The following VTA1 variants were observed in gnomAD, a reference collection of about 807,000 sequenced individuals.
VTA1 encodes the protein vesicle trafficking 1.
VTA1 carries 24 observed loss-of-function variants against 36.9 expected under a neutral mutation model. The observed-to-expected ratio is 0.65, with a 90% confidence interval of 0.47 to 0.91. VTA1 has a LOEUF of 0.91. VTA1 is among the 40% of genes least tolerant of loss of function. VTA1 has a pLI of 0.00. For synonymous variants in VTA1, 142 were observed against 130.2 expected (o/e 1.09, Z -0.62); for missense variants, 393 against 377.2 (o/e 1.04, Z -0.35).
chr6:142,169,727 A>G, intron 3 of VTA1, 50 bp downstream of exon 3: 1 of 1,424,882 alleles, frequency 7.0e-7, no homozygotes, highest in Non-Finnish European at 9.2e-7. Context: ...GTAACTGTAT[A>G]ACCAAAATTA....
chr6:142,175,198 T>C (rs1256383728), intron 4 of VTA1, among the ~76,000 whole-genome samples: 2 of 152,152 alleles, frequency 1.3e-5, no homozygotes, highest in East Asian at 3.9e-4. Flanking sequence ...ATTCATCTTA[T>C]TTTGAGCTTT....
chr6:142,177,013 A>G (rs1336980221), intron 4 of VTA1, among the ~76,000 whole-genome samples: 1 of 152,170 alleles, frequency 6.6e-6, no homozygotes, highest in Non-Finnish European at 1.5e-5. Context: ...TAGCCTAGAA[A>G]ACCATGGTAA....
chr6:142,189,383 C>T (rs1400881120), intron 4 of VTA1, 43 bp from the exon 5 acceptor site: 5 of 1,477,640 alleles, frequency 3.4e-6, no homozygotes, highest in Non-Finnish European at 4.7e-6. Context: ...CTTTTTACTT[C>T]TTTACCATAG....
chr6:142,166,224 C>G lies in VTA1; in HGVS notation c.113-4C>G. 3 of 1,589,856 alleles carry G rather than the reference C, an allele frequency of 1.9e-6. No homozygotes were observed. Among genetic ancestry groups the G allele is most frequent in the Non-Finnish European group, 2.6e-6 (3 of 1,166,518 alleles). The stretch of plus-strand genomic sequence containing the variant: ...TGTTCAAATTATCTTACTTTTCTTT[C>G]TAGGTCGTTTATACGCAATGCAGAC... On this transcript the variant is annotated splice_region_variant and splice_polypyrimidine_tract_variant and intron_variant, in intron 1 of 7. Transcript: ENST00000367630.
At chr6:142,183,673 T>C (rs1272740119) in intron 4 of VTA1, among the ~76,000 whole-genome samples, 1 of 152,182 alleles carries the variant, frequency 6.6e-6, no homozygotes, top group African/African-American at 2.4e-5. Flanking sequence ...AAAATACATC[T>C]TGAAAATTTC....
rs991383782 is a variant in VTA1, at chr6:142,175,878, G to A, written c.411+5457G>A. Among the ~76,000 whole-genome samples, 4 of 146,240 alleles carry A rather than the reference G, an allele frequency of 2.7e-5. No homozygotes were observed. The South Asian group carries it at 6.5e-4, about 24-fold the overall frequency. ...TTGTTTTTTTATTTTTTAATATTTT[G>A]TCTGCCACTATTCTATTTCTCAGTT... On this transcript the variant is annotated intron_variant, in intron 4 of 7. Coordinates refer to ENST00000367630, the MANE Select transcript of VTA1 (RefSeq NM_016485.5).
chr6:142,181,094 A>AAAAAATATATATATATATATATATAT (rs1471429927), intron 4 of VTA1, among the ~76,000 whole-genome samples: 1 of 36,436 alleles, frequency 2.7e-5, no homozygotes, highest in Admixed American at 4.0e-4. Flanking sequence ...AAAAAAAAAA[A>AAAAAATATATATATATATATATATAT]ATATATATAT....
chr6:142,194,133 A>G (rs1030837729), intron 5 of VTA1, among the ~76,000 whole-genome samples: 3 of 152,264 alleles, frequency 2.0e-5, no homozygotes, highest in African/African-American at 7.2e-5. Context: ...CCTACGACCA[A>G]AAGAGAGGTA....
In VTA1 at chr6:142,222,396, T is replaced by C. The variant is rs1440609842; in HGVS notation, c.*3753T>C. ...CTGAACTGGAGCTGCAAGCCAAGAA[T>C]AGTTCCCATGGTTAGCATGGCCTAG... On this transcript the variant is annotated 3_prime_UTR_variant, in exon 8 of 8. Coordinates refer to ENST00000367630, the MANE Select transcript of VTA1 (RefSeq NM_016485.5). The C allele has an allele frequency of 6.6e-6, 1 of 152,210 alleles. No individual in the cohort carries two copies. Among genetic ancestry groups the C allele is most frequent in the Admixed American group, 6.5e-5 (1 of 15,282 alleles). The allele number at this position is 152,210 out of a possible 1,614,324, so 9.4% of individuals were successfully genotyped here.
chr6:142,211,987 A>T (rs915675345), intron 7 of VTA1, among the ~76,000 whole-genome samples: 1 of 152,206 alleles, frequency 6.6e-6, no homozygotes, highest in African/African-American at 2.4e-5. Context: ...CACCTATTAG[A>T]ATGGCCAAAA....
At chr6:142,167,651 C>T (rs1774946902) in intron 2 of VTA1, among the ~76,000 whole-genome samples, 1 of 152,178 alleles carries the variant, frequency 6.6e-6, no homozygotes, top group African/African-American at 2.4e-5. Flanking sequence ...AGTGTTCTCT[C>T]TCACTTGGTG....
At chr6:142,208,085 CA>C (rs567010868) in intron 7 of VTA1, among the ~76,000 whole-genome samples, 2,748 of 99,446 alleles carry the variant, frequency 0.028, 35 homozygotes, top group South Asian at 0.065. Context: ...AGACTTCCAT[CA>C]AAAAAAAAAA....
rs1046252803 is a variant in VTA1, at chr6:142,166,171, C to T, written c.113-57C>T. Reference sequence around the variant, plus strand: ...TATTAGCAATTATATTTTAAACACTCATAAACATGGATGTTTAAAAATGAA... The same window carrying T: ...TATTAGCAATTATATTTTAAACACTTATAAACATGGATGTTTAAAAATGAA... On this transcript the variant is annotated intron_variant, in intron 1 of 7. Coordinates refer to ENST00000367630, the MANE Select transcript of VTA1 (RefSeq NM_016485.5). The T allele has an allele frequency of 2.5e-6, 3 of 1,184,114 alleles. No individual in the cohort carries two copies. In the African/African-American group the frequency reaches 4.6e-5, roughly 18 times the overall value. 73.4% of individuals were successfully genotyped at this position (1,184,114 alleles called of 1,614,324 possible).
chr6:142,168,674 G>T (rs907682283), intron 2 of VTA1, among the ~76,000 whole-genome samples: 1 of 150,728 alleles, frequency 6.6e-6, no homozygotes, highest in African/African-American at 2.4e-5. Context: ...TTCTGAGTTT[G>T]TCATCTTATA....
intron 7 of VTA1, among the ~76,000 whole-genome samples, chr6:142,206,864 T>C (rs1775801054): frequency 6.6e-6 from 1 of 152,130 alleles, no homozygotes; most frequent in Admixed American, 6.5e-5. Flanking sequence ...CAATAAATGG[T>C]GCTGGCGTAA....
intron 1 of VTA1, among the ~76,000 whole-genome samples, chr6:142,162,541 G>A (rs1288946462): frequency 2.0e-5 from 3 of 152,170 alleles, no homozygotes; most frequent in Admixed American, 6.5e-5. Flanking sequence ...ATTAAAGTGT[G>A]TTTGAAATAG....
intron 2 of VTA1, 70 bp downstream of exon 2, chr6:142,166,392 T>C (rs952398339): frequency 6.9e-5 from 81 of 1,173,616 alleles, no homozygotes; most frequent in Non-Finnish European, 9.5e-5. Flanking sequence ...TGCGTGTCTG[T>C]GTTGTCATTT....
intron 4 of VTA1, among the ~76,000 whole-genome samples, chr6:142,178,261 G>C (rs1328202051): frequency 6.6e-6 from 1 of 151,964 alleles, no homozygotes; most frequent in Non-Finnish European, 1.5e-5. Flanking sequence ...AAAATTGGAG[G>C]CTGGAGGATA....
intron 4 of VTA1, among the ~76,000 whole-genome samples, chr6:142,179,812 G>A (rs190983344): frequency 6.6e-6 from 1 of 152,090 alleles, no homozygotes; most frequent in African/African-American, 2.4e-5. Context: ...TTTATTGATA[G>A]GTTTGGTTTA....
Sources: allele counts gnomAD v4.1 joint callset (sites outside exome capture counted in the v4.1 genomes callset), GRCh38; gene constraint gnomAD v4.1.1; transcripts MANE v1.5; gene names NCBI Gene and HGNC (gene_info 2026-07-23, HGNC 2026-07-21).